ASIC4: variants seen among roughly 807,000 people sequenced by gnomAD.
ASIC4 encodes the protein acid sensing ion channel subunit family member 4.
In ASIC4, 28 loss-of-function variants were observed where a neutral mutation model predicts 53.4. That is an observed-to-expected ratio of 0.52 (90% CI 0.39 to 0.72). ASIC4 has a LOEUF of 0.72. ASIC4 is among the 30% of genes least tolerant of loss of function. The pLI is 0.00. For synonymous variants in ASIC4, 289 were observed against 301.4 expected, an observed-to-expected ratio of 0.96 and a Z score of 0.43; for missense variants, 649 against 729.7, an observed-to-expected ratio of 0.89 and a Z score of 1.27.
At position 219,514,792 on chromosome 2, in the gene ASIC4, CAG is replaced by C; in HGVS notation, c.69_70del (p.Asp25Ter). 6.2e-7 allele frequency: 1 copy of C among 1,613,500 alleles called. No homozygotes were observed. The highest frequency in any genetic ancestry group is 1.1e-5 in the South Asian group (1 of 91,082). ...GATGCGAAACCCAAGGAGAAGGAGG[CAG>C]GGGATGAGCAGAGCCTCCTCGGGGC... On this transcript the variant is annotated frameshift_variant, in exon 1 of 10. Transcript: ENST00000358078. LOFTEE classifies it high-confidence loss of function.
chr2:219,532,979 C>T, intron 5 of ASIC4, 40 bp downstream of exon 5: 3 of 1,577,070 alleles, frequency 1.9e-6, no homozygotes, highest in Non-Finnish European at 2.6e-6. Context: ...CCATCAGCCT[C>T]TTCATGTCTC....
At position 219,532,903 on chromosome 2, in the gene ASIC4, C is replaced by T. The variant is rs766960660; in HGVS notation, c.1039C>T (p.Pro347Ser). Residue 347 changes from proline to serine, a missense_variant, in exon 5 of 10, where the codon CCA becomes TCA. Physicochemically the swap from Pro to Ser is moderately conservative, Grantham distance 74 (BLOSUM62 -1). Coordinates refer to ENST00000358078, the MANE Select transcript of ASIC4 (RefSeq NM_018674.6). Reference protein sequence around the residue: ...HMPGNETICPPNIYIECADHT... With the variant: ...HMPGNETICPSNIYIECADHT... ...TTCAGGCAATGAGACCATCTGCCCA[C>T]CAAATATCTACATCGAGTGTGCAGA... 2.5e-6 allele frequency: 4 copies of T among 1,613,944 alleles called. No individual in the cohort carries two copies. In the South Asian group the frequency reaches 4.4e-5, roughly 18 times the overall value.
chr2:219,516,357 A>G lies in ASIC4; in HGVS notation c.582+1051A>G, dbSNP rs1433126350. Reference sequence around the variant, plus strand: ...GTCACCTACGTGTGAGCACAAACACAAGCACCCTCTCCGGGAGAGGGGTGT... The same window carrying G: ...GTCACCTACGTGTGAGCACAAACACGAGCACCCTCTCCGGGAGAGGGGTGT... On this transcript the variant is annotated intron_variant, in intron 1 of 9. Transcript: ENST00000358078. The surrounding 1 kb of genome is among the most constrained non-coding windows in gnomAD (Gnocchi z 4.9). Among the ~76,000 whole-genome samples the G allele has an allele frequency of 1.3e-5, 2 of 151,908 alleles. No individual in the cohort carries two copies. The highest frequency in any genetic ancestry group is 4.8e-5 in the African/African-American group (2 of 41,354).
intron 1 of ASIC4, among the ~76,000 whole-genome samples, chr2:219,524,159 A>G (rs1694930461): frequency 6.6e-6 from 1 of 152,228 alleles, no homozygotes. Context: ...CTCTGCAGCC[A>G]GACAGCAAGC....
chr2:219,508,951 A>G, the ASIC4 span, among the ~76,000 whole-genome samples: 3 of 151,904 alleles, frequency 2.0e-5, no homozygotes, highest in Non-Finnish European at 4.4e-5. Flanking sequence ...CCTGGCACCA[A>G]GCTGGATAGG....
At position 219,537,178 on chromosome 2, in the gene ASIC4, C is replaced by A; in HGVS notation, c.1321+21C>A. 6.2e-7 allele frequency: 1 copy of A among 1,613,158 alleles called. No homozygotes were observed. Among genetic ancestry groups the A allele is most frequent in the Non-Finnish European group, 8.5e-7 (1 of 1,179,246 alleles). The stretch of plus-strand genomic sequence containing the variant: ...GCTGGGTGAGACTGGTGTCCCTGCC[C>A]CCAGCTTGTGTGGGGGTGGATCGGC... On this transcript the variant is annotated intron_variant, in intron 7 of 9. Coordinates refer to ENST00000358078, the MANE Select transcript of ASIC4 (RefSeq NM_018674.6). This position sits in a 1 kb window ranked among gnomAD's most constrained non-coding sequence, Gnocchi z 4.9.
Position 219,536,923 on chromosome 2 carries a change from TCA to T in ASIC4, c.1230-140_1230-139del, listed in dbSNP as rs893932572. ...AACACACATCCGGGACTGCCTCCCC[TCA>T]CAGCCTTGGGGAGTCCGGGGGGTAG... On this transcript the variant is annotated intron_variant, in intron 6 of 9. Coordinates refer to ENST00000358078, the MANE Select transcript of ASIC4 (RefSeq NM_018674.6). This position sits in a 1 kb window ranked among gnomAD's most constrained non-coding sequence, Gnocchi z 4.6. The T allele has an allele frequency of 2.6e-5, 18 of 684,828 alleles. No individual in the cohort carries two copies. The highest frequency in any genetic ancestry group is 4.5e-5 in the Non-Finnish European group (18 of 402,776). 42.4% of individuals were successfully genotyped at this position (684,828 alleles called of 1,614,324 possible).
chr2:219,515,088 C>T lies in ASIC4; in HGVS notation c.364C>T (p.Arg122Cys), dbSNP rs1244787070. The T allele has an allele frequency of 5.6e-6, 9 of 1,613,876 alleles. No homozygotes were observed. Among genetic ancestry groups the T allele is most frequent in the South Asian group, 1.1e-5 (1 of 91,084 alleles). The change falls in exon 1 of 10, where the codon CGC (arginine) becomes TGC (cysteine). Residue 122 changes from arginine (R) to cysteine (C), a missense_variant. Transcript: ENST00000358078. ...FPAVTLCNIN[R>C]FRHSALSDAD... The stretch of plus-strand genomic sequence containing the variant: ...GGCTGTCACCCTCTGCAATATCAAC[C>T]GCTTCCGGCATTCGGCACTCAGCGA...
At chr2:219,535,124 A>G in intron 5 of ASIC4, 47 bp from the exon 6 acceptor site, 2 of 1,578,778 alleles carry the variant, frequency 1.3e-6, no homozygotes, top group Non-Finnish European at 1.7e-6. Context: ...GGGCCACTGG[A>G]CCACCCTTCT....
At position 219,535,286 on chromosome 2, in the gene ASIC4, C is replaced by T. The variant is rs1466185287; in HGVS notation, c.1191C>T (p.Tyr397=). ...VRIPNRGSAR[Y]LARKYNRNET... ...TCCCCAACAGGGGCTCAGCCCGGTACCTGGCGAGGAAGTACAACCGCAACG... is the reference window on the plus strand; with the variant it reads ...TCCCCAACAGGGGCTCAGCCCGGTATCTGGCGAGGAAGTACAACCGCAACG... The change falls in exon 6 of 10, where the codon TAC becomes TAT. Residue 397 remains tyrosine, a synonymous_variant. Transcript: ENST00000358078. The T allele has an allele frequency of 8.1e-6, 13 of 1,613,444 alleles. No homozygotes were observed. Among genetic ancestry groups the T allele is most frequent in the Middle Eastern group, 3.4e-4 (2 of 5,876 alleles).
At position 219,514,565 on chromosome 2, in the gene ASIC4, C is replaced by T. The variant is rs765786268; in HGVS notation, c.-160C>T. 1.7e-4 allele frequency: 262 copies of T among 1,571,216 alleles called. No homozygotes were observed. The highest frequency in any genetic ancestry group is 2.1e-4 in the Non-Finnish European group (247 of 1,158,652). Reference sequence around the variant, plus strand: ...GAGCTGCTGGGAGTGGGAGTGACTCCCCCACCTCGGGCCCCCACCCTGTCC... The same window carrying T: ...GAGCTGCTGGGAGTGGGAGTGACTCTCCCACCTCGGGCCCCCACCCTGTCC... On this transcript the variant is annotated 5_prime_UTR_variant, in exon 1 of 10. Coordinates refer to ENST00000358078, the MANE Select transcript of ASIC4 (RefSeq NM_018674.6).
intron 1 of ASIC4, 134 bp from the exon 2 acceptor site, chr2:219,531,624 G>T: frequency 9.9e-7 from 1 of 1,010,656 alleles, no homozygotes; most frequent in South Asian, 1.7e-5. Context: ...AGGCTGGGCT[G>T]TACATTGCTT....
At chr2:219,533,531 C>T (rs910558657) in intron 5 of ASIC4, 2 of 162,306 alleles carry the variant, frequency 1.2e-5, no homozygotes, top group African/African-American at 4.8e-5. Flanking sequence ...TGCAAGGCCC[C>T]AAGGAGGGGT....
chr2:219,522,061 G>T (rs1694892767), intron 1 of ASIC4, among the ~76,000 whole-genome samples: 1 of 152,132 alleles, frequency 6.6e-6, no homozygotes, highest in African/African-American at 2.4e-5. Flanking sequence ...TGGCTCCTAG[G>T]CTGGGGCTGG....
At chr2:219,510,873 TCTC>T (rs1189229797), upstream of ASIC4, among the ~76,000 whole-genome samples, 3 of 150,442 alleles carry the variant, frequency 2.0e-5, no homozygotes, top group African/African-American at 4.9e-5. This position sits in a 1 kb window ranked among gnomAD's most constrained non-coding sequence, Gnocchi z 5.2. Context: ...ATTAACCGCT[TCTC>T]CTGCCTCGTC....
Position 219,515,011 on chromosome 2 carries a change from C to G in ASIC4, c.287C>G (p.Pro96Arg). 2.5e-6 allele frequency: 4 copies of G among 1,613,410 alleles called. No homozygotes were observed. Among genetic ancestry groups the G allele is most frequent in the Non-Finnish European group, 3.4e-6 (4 of 1,179,892 alleles). ...CTGGCCCGGGGCTACCTGACCCGGCCTCACCTGGTGGCAATGGACCCCGCT... is the reference window on the plus strand; with the variant it reads ...CTGGCCCGGGGCTACCTGACCCGGCGTCACCTGGTGGCAATGGACCCCGCT... ...AGLARGYLTR[P>R]HLVAMDPAAP... The change falls in exon 1 of 10, where the codon CCT becomes CGT. Residue 96 changes from proline (P) to arginine (R), a missense_variant. By Grantham distance (103) the Pro-to-Arg change is moderately radical. Transcript: ENST00000358078.
At chr2:219,508,621 A>G in the ASIC4 span, among the ~76,000 whole-genome samples, 1 of 151,956 alleles carries the variant, frequency 6.6e-6, no homozygotes, top group East Asian at 1.9e-4. Context: ...GGAGGGACCT[A>G]AAGTCCCATC....
chr2:219,521,362 C>T (rs932959573), intron 1 of ASIC4, among the ~76,000 whole-genome samples: 3 of 152,232 alleles, frequency 2.0e-5, no homozygotes, highest in African/African-American at 2.4e-5. Flanking sequence ...GAAGAAATGG[C>T]CCCACGTCCT....
chr2:219,537,616 G>A lies in ASIC4; in HGVS notation c.1402-16G>A, dbSNP rs200008604. The stretch of plus-strand genomic sequence containing the variant: ...ATTTCCTGAGCCCACTGCTGTCCCC[G>A]ACCCTGAACCCCAAGGTGTCCTGGG... On this transcript the variant is annotated splice_polypyrimidine_tract_variant and intron_variant, in intron 8 of 9. Transcript: ENST00000358078. This position sits in a 1 kb window ranked among gnomAD's most constrained non-coding sequence, Gnocchi z 4.9. The A allele has an allele frequency of 1.3e-3, 2,011 of 1,605,040 alleles. 1 individual carries two copies. The highest frequency in any genetic ancestry group is 1.6e-3 in the Non-Finnish European group (1,864 of 1,175,342).
Sources: gnomAD v4.1 joint callset for allele counts (sites outside exome capture counted in the v4.1 genomes callset) on GRCh38, gnomAD v4.1.1 for gene constraint, Gnocchi (gnomAD v3.1) non-coding constraint, MANE v1.5 for transcripts, NCBI Gene and HGNC (gene_info 2026-07-23, HGNC 2026-07-21) for gene names.